The following GPM6B variants were observed in gnomAD, a reference collection of about 807,000 sequenced individuals.
GPM6B encodes the protein neuronal membrane glycoprotein M6-b.
GPM6B carries 4 observed loss-of-function variants against 27.2 expected under a neutral mutation model. The observed-to-expected ratio is 0.15, with a 90% CI of 0.07 to 0.34. GPM6B has a LOEUF of 0.34. Ranked by LOEUF, GPM6B falls within the 10% of genes least tolerant of loss-of-function variation. The pLI is 1.00. For synonymous variants in GPM6B, 124 were observed against 103.1 expected (o/e 1.20, Z -1.23); for missense variants, 183 against 261.9 (o/e 0.70, Z 2.08).
At chrX:13,843,851 G>C (rs2049611358) in intron 1 of GPM6B, among the ~76,000 whole-genome samples, 1 of 111,698 alleles carries the variant, frequency 9.0e-6, no homozygotes, top group Non-Finnish European at 1.9e-5. Flanking sequence ...CTCCCATTCT[G>C]TGAGTTCTCT....
intron 1 of GPM6B, among the ~76,000 whole-genome samples, chrX:13,878,157 G>A (rs2050058070): frequency 1.6e-5 from 1 of 64,227 alleles, no homozygotes; most frequent in Non-Finnish European, 2.4e-5. Flanking sequence ...TAATAAAGCT[G>A]TTAAAAAAAA....
At chrX:13,888,982 T>TG (rs1408472464) in intron 1 of GPM6B, 1 of 111,661 alleles carries the variant, frequency 9.0e-6, no homozygotes, top group Non-Finnish European at 1.9e-5. Context: ...ACAATTTACC[T>TG]GGGGCCTTTG....
chrX:13,774,801 CAT>C (rs2048379256), intron 7 of GPM6B, among the ~76,000 whole-genome samples: 1 of 112,043 alleles, frequency 8.9e-6, no homozygotes, highest in South Asian at 3.7e-4. Context: ...TCTCATCACA[CAT>C]GTACAATGTA....
chrX:13,794,359 G>A (rs1200994960), intron 2 of GPM6B, among the ~76,000 whole-genome samples: 1 of 110,316 alleles, frequency 9.1e-6, no homozygotes, highest in African/African-American at 3.3e-5. Flanking sequence ...AATCTCCTCG[G>A]GACTTCATTA....
intron 1 of GPM6B, among the ~76,000 whole-genome samples, chrX:13,835,905 T>C (rs1338071511): frequency 2.7e-5 from 3 of 112,348 alleles, no homozygotes; most frequent in African/African-American, 9.7e-5. Context: ...AGGTACACCA[T>C]CAGTGCTAGA....
intron 2 of GPM6B, among the ~76,000 whole-genome samples, chrX:13,797,715 G>A (rs2048843062): frequency 9.0e-6 from 1 of 111,324 alleles, no homozygotes; most frequent in Non-Finnish European, 1.9e-5. Context: ...GGACTGGAGT[G>A]GGTGCAAGCT....
At chrX:13,809,953 A>G (rs75497311) in intron 1 of GPM6B, among the ~76,000 whole-genome samples, 1 of 18,743 alleles carries the variant, frequency 5.3e-5, no homozygotes, top group Non-Finnish European at 8.3e-5. Flanking sequence ...CCATCTCAGG[A>G]AAAAAAAAAA....
intron 2 of GPM6B, among the ~76,000 whole-genome samples, chrX:13,807,395 G>A (rs1195820093): frequency 8.9e-6 from 1 of 111,864 alleles, no homozygotes; most frequent in African/African-American, 3.3e-5. Flanking sequence ...TTGAGAAGAC[G>A]AAGTGATTGA....
intron 1 of GPM6B, among the ~76,000 whole-genome samples, chrX:13,874,658 T>C (rs2050015251): frequency 1.8e-5 from 2 of 111,349 alleles, no homozygotes; most frequent in South Asian, 7.6e-4. Context: ...TGCAGTGAGC[T>C]GAGATCGTGC....
At chrX:13,824,213 A>G (rs969334555) in intron 1 of GPM6B, among the ~76,000 whole-genome samples, 1 of 111,904 alleles carries the variant, frequency 8.9e-6, no homozygotes, top group Admixed American at 9.4e-5. Context: ...AAATGTTTCT[A>G]AACACTGCCA....
At chrX:13,800,975 G>A (rs1158660948) in intron 2 of GPM6B, among the ~76,000 whole-genome samples, 1 of 107,799 alleles carries the variant, frequency 9.3e-6, no homozygotes, top group Non-Finnish European at 1.9e-5. Context: ...ATGCCCATAT[G>A]AAATCTGAAT....
chrX:13,921,794 G>T (rs1168597903), intron 1 of GPM6B, among the ~76,000 whole-genome samples: 1 of 110,952 alleles, frequency 9.0e-6, no homozygotes, highest in Non-Finnish European at 1.9e-5. Flanking sequence ...GGTCACGCTG[G>T]TCTCAAACTC....
At chrX:13,780,873 G>A (rs754142713) in intron 4 of GPM6B, 3 of 274,511 alleles carry the variant, frequency 1.1e-5, no homozygotes, top group East Asian at 1.3e-4. Context: ...TGATGGTGGA[G>A]ACCTGATGGT....
chrX:13,845,839 G>T, intron 1 of GPM6B, among the ~76,000 whole-genome samples: 1 of 111,999 alleles, frequency 8.9e-6, no homozygotes, highest in East Asian at 2.8e-4. Context: ...TACATGTTCT[G>T]AAAGAGGTAA....
intron 1 of GPM6B, among the ~76,000 whole-genome samples, chrX:13,860,176 A>G (rs994882218): frequency 4.4e-5 from 5 of 112,458 alleles, no homozygotes; most frequent in Non-Finnish European, 9.4e-5. Context: ...TTAGAAGGAA[A>G]AAACAAGACA....
intron 4 of GPM6B, chrX:13,780,839 A>G (rs970138769): frequency 1.3e-5 from 3 of 233,710 alleles, no homozygotes; most frequent in African/African-American, 9.0e-5. Flanking sequence ...GTGGAGTGCT[A>G]GTTTGGCTTT....
chrX:13,778,390 A>C (rs767711677), intron 5 of GPM6B, among the ~76,000 whole-genome samples: 1 of 112,346 alleles, frequency 8.9e-6, no homozygotes, highest in South Asian at 3.6e-4. Flanking sequence ...CCTTTACCCC[A>C]GAGGGTGGGA....
At chrX:13,821,867 T>C (rs1460592203), upstream of GPM6B, among the ~76,000 whole-genome samples, 1 of 112,072 alleles carries the variant, frequency 8.9e-6, no homozygotes, top group Non-Finnish European at 1.9e-5. Context: ...AGTGCTGGGA[T>C]TACAGGCATG....
chrX:13,912,747 T>G (rs781713529), intron 1 of GPM6B, among the ~76,000 whole-genome samples: 1 of 112,344 alleles, frequency 8.9e-6, no homozygotes, highest in Non-Finnish European at 1.9e-5. Flanking sequence ...GTTGGAACAT[T>G]GTAAGAAACT....
Sources: gnomAD v4.1 joint callset for allele counts (sites outside exome capture counted in the v4.1 genomes callset) on GRCh38, gnomAD v4.1.1 for gene constraint, MANE v1.5 for transcripts, NCBI Gene and HGNC (gene_info 2026-07-23, HGNC 2026-07-21) for gene names.